Variants in ZNF503 observed in about 807,000 individuals in gnomAD.
ZNF503 encodes zinc finger protein 503.
In ZNF503, 15 loss-of-function variants were observed where a neutral mutation model predicts 34.4. The ratio of observed to expected loss-of-function variants is 0.44; its 90% confidence interval spans 0.29 to 0.67. ZNF503 has a LOEUF of 0.67. Ranked by LOEUF, ZNF503 falls within the 30% of genes least tolerant of loss-of-function variation. The pLI, the probability that ZNF503 is intolerant of heterozygous loss-of-function variation, is 0.13. For synonymous variants in ZNF503, 580 were observed against 456.8 expected, an observed-to-expected ratio of 1.27 and a Z score of -3.44; for missense variants, 1,007 against 926.8, an observed-to-expected ratio of 1.09 and a Z score of -1.12.
the ZNF503 span, among the ~76,000 whole-genome samples, chr10:75,355,033 C>T: frequency 6.6e-6 from 1 of 152,006 alleles, no homozygotes. Context: ...TTAGTAGAGA[C>T]AGGGTTCCGC....
the ZNF503 span, among the ~76,000 whole-genome samples, chr10:75,339,756 C>T: frequency 8.6e-3 from 1,307 of 152,206 alleles, 15 homozygotes; most frequent in African/African-American, 0.029. Flanking sequence ...TGGTTTTATA[C>T]ATCTTGATGC....
chr10:75,293,618 C>G, the ZNF503 span, among the ~76,000 whole-genome samples: 1 of 151,824 alleles, frequency 6.6e-6, no homozygotes, highest in Non-Finnish European at 1.5e-5. Flanking sequence ...AGAGTGCCCC[C>G]CCCGTCCACT....
the ZNF503 span, chr10:75,382,495 A>G: frequency 1.4e-6 from 1 of 732,316 alleles, no homozygotes; most frequent in African/African-American, 1.9e-5. Flanking sequence ...TTTTGACAGC[A>G]GCAACCTCTT....
chr10:75,350,326 G>A, the ZNF503 span: 1 of 152,174 alleles, frequency 6.6e-6, no homozygotes, highest in African/African-American at 2.4e-5. Context: ...AACACTTTGG[G>A]GAGTGAAAGG....
chr10:75,292,034 C>G, the ZNF503 span, among the ~76,000 whole-genome samples: 2 of 152,126 alleles, frequency 1.3e-5, no homozygotes, highest in African/African-American at 4.8e-5. Context: ...CTGACAGGCT[C>G]AGAAGCTCAA....
chr10:75,367,920 C>G, the ZNF503 span, among the ~76,000 whole-genome samples: 15 of 152,194 alleles, frequency 9.9e-5, no homozygotes, highest in Admixed American at 1.3e-4. Context: ...CATTTCAAGT[C>G]CTGCTTGGCC....
At chr10:75,354,217 C>G in the ZNF503 span, among the ~76,000 whole-genome samples, 5 of 152,152 alleles carry the variant, frequency 3.3e-5, no homozygotes, top group Non-Finnish European at 5.9e-5. Context: ...GGCCACTAGA[C>G]AAGAGAACAT....
the ZNF503 span, among the ~76,000 whole-genome samples, chr10:75,321,964 A>C: frequency 6.6e-6 from 1 of 152,192 alleles, no homozygotes; most frequent in Admixed American, 6.5e-5. Flanking sequence ...CTAGTATCTT[A>C]ATATACATTC....
intron 1 of ZNF503, 84 bp from the exon 2 acceptor site, chr10:75,400,458 T>C: frequency 2.7e-6 from 4 of 1,469,978 alleles, no homozygotes; most frequent in Non-Finnish European, 3.6e-6. Context: ...GGGGTTCAAA[T>C]GCCTCTCCGC....
chr10:75,347,250 C>T, the ZNF503 span, among the ~76,000 whole-genome samples: 1 of 152,320 alleles, frequency 6.6e-6, no homozygotes, highest in Admixed American at 6.5e-5. Context: ...TGACTATGTT[C>T]ATGTCTCCAG....
At chr10:75,282,205 G>A in the ZNF503 span, among the ~76,000 whole-genome samples, 3 of 152,320 alleles carry the variant, frequency 2.0e-5, no homozygotes, top group East Asian at 5.8e-4. Context: ...CTTGGCCAAC[G>A]ACTGGTGTAG....
the ZNF503 span, among the ~76,000 whole-genome samples, chr10:75,372,077 C>T: frequency 2.6e-5 from 4 of 152,096 alleles, no homozygotes; most frequent in Non-Finnish European, 5.9e-5. Context: ...ATTACAGGTG[C>T]CCGCTACCAC....
the ZNF503 span, among the ~76,000 whole-genome samples, chr10:75,293,061 G>C: frequency 2.6e-5 from 4 of 152,206 alleles, no homozygotes; most frequent in Non-Finnish European, 5.9e-5. Context: ...GGACCCATCA[G>C]TTGTGGCAAG....
At chr10:75,347,419 T>C in the ZNF503 span, among the ~76,000 whole-genome samples, 1 of 151,996 alleles carries the variant, frequency 6.6e-6, no homozygotes, top group Non-Finnish European at 1.5e-5. Flanking sequence ...GCCCGAGAAG[T>C]GTGGAGTCAA....
chr10:75,372,969 A>G, the ZNF503 span, among the ~76,000 whole-genome samples: 1 of 152,034 alleles, frequency 6.6e-6, no homozygotes, highest in African/African-American at 2.4e-5. Flanking sequence ...TTCCAGAGAG[A>G]TGCAGTGCCT....
At chr10:75,350,842 C>T in the ZNF503 span, among the ~76,000 whole-genome samples, 1 of 152,180 alleles carries the variant, frequency 6.6e-6, no homozygotes, top group Non-Finnish European at 1.5e-5. Flanking sequence ...GCATGAGCCA[C>T]CGCGTCCAGC....
the ZNF503 span, among the ~76,000 whole-genome samples, chr10:75,323,523 C>G: frequency 5.0e-4 from 76 of 152,266 alleles, no homozygotes; most frequent in Non-Finnish European, 1.0e-3. Context: ...TCCAATTGCT[C>G]CACACTTTGG....
the ZNF503 span, among the ~76,000 whole-genome samples, chr10:75,337,085 A>G: frequency 6.6e-6 from 1 of 152,164 alleles, no homozygotes; most frequent in Non-Finnish European, 1.5e-5. Context: ...GCACTTTGGG[A>G]GGCCAAGACA....
the ZNF503 span, among the ~76,000 whole-genome samples, chr10:75,292,524 A>T: frequency 3.3e-5 from 5 of 152,252 alleles, no homozygotes; most frequent in African/African-American, 9.6e-5. Flanking sequence ...TCCTAGCCTT[A>T]CTATACTCAA....
Sources: allele counts gnomAD v4.1 joint callset (sites outside exome capture counted in the v4.1 genomes callset), GRCh38; gene constraint gnomAD v4.1.1; transcripts MANE v1.5; gene names NCBI Gene and HGNC (gene_info 2026-07-23, HGNC 2026-07-21).